RCBTB1: variants seen among roughly 807,000 people sequenced by gnomAD.
RCBTB1 encodes the protein RCC1 and BTB domain-containing protein 1.
A neutral mutation model predicts 62.4 loss-of-function variants in RCBTB1; 46 were observed. That is an observed-to-expected ratio of 0.74 (90% CI 0.58 to 0.94). The LOEUF is 0.94. RCBTB1 is among the 40% of genes least tolerant of loss of function. RCBTB1 has a pLI of 0.00. For missense variants in RCBTB1, 565 were observed against 654.9 expected (o/e 0.86, Z 1.50); for synonymous variants, 222 against 245.8 (o/e 0.90, Z 0.91).
At chr13:49,537,513 CT>C (rs1348993680) in intron 12 of RCBTB1, among the ~76,000 whole-genome samples, 2 of 152,206 alleles carry the variant, frequency 1.3e-5, no homozygotes, top group Non-Finnish European at 2.9e-5. Context: ...AATTAGATTC[CT>C]GGGCTCACGT....
intron 2 of RCBTB1, among the ~76,000 whole-genome samples, chr13:49,577,515 G>A (rs1424653521): frequency 1.1e-5 from 1 of 93,116 alleles, no homozygotes; most frequent in African/African-American, 4.6e-5. Context: ...GTATTTGTTT[G>A]GGCTAGTTTA....
At position 49,579,280 on chromosome 13, in the gene RCBTB1, T is replaced by C. The variant is rs531903711; in HGVS notation, c.-42+1225A>G. On this transcript the variant is annotated intron_variant, in intron 2 of 12. Coordinates refer to ENST00000378302, the MANE Select transcript of RCBTB1 (RefSeq NM_018191.4). ...ACTAATATGTTATTGCCCCAGCTGC[T>C]AGAACAGCTGTCATCCACGTCTCTC... 2.6e-5 allele frequency among the ~76,000 whole-genome samples: 4 copies of C among 152,314 alleles called. No individual in the cohort carries two copies. The South Asian group carries it at 8.3e-4, about 32-fold the overall frequency.
intron 4 of RCBTB1, among the ~76,000 whole-genome samples, chr13:49,561,577 A>G (rs1467674845): frequency 1.3e-5 from 2 of 152,178 alleles, no homozygotes; most frequent in Non-Finnish European, 1.5e-5. Context: ...AAATAGAGAA[A>G]TGCATACCTT....
chr13:49,554,965 G>A (rs1032469305), intron 6 of RCBTB1, among the ~76,000 whole-genome samples: 4 of 152,176 alleles, frequency 2.6e-5, no homozygotes, highest in African/African-American at 9.7e-5. Context: ...AGTGGAAGCT[G>A]CATCCAGAGA....
chr13:49,549,993 T>TC, intron 8 of RCBTB1: 1 of 819,584 alleles, frequency 1.2e-6, no homozygotes, highest in South Asian at 5.6e-5. Flanking sequence ...ACCATTTCTT[T>TC]TTTTTTTCTT....
intron 2 of RCBTB1, 127 bp from the exon 3 acceptor site, chr13:49,567,447 G>T: frequency 1.5e-6 from 1 of 664,230 alleles, no homozygotes; most frequent in Non-Finnish European, 2.5e-6. Context: ...TTGGTTACAT[G>T]GATCACTCAC....
At chr13:49,534,345 C>T in intron 12 of RCBTB1, 83 bp from the exon 13 acceptor site, 2 of 1,378,812 alleles carry the variant, frequency 1.5e-6, no homozygotes, top group Non-Finnish European at 9.9e-7. Context: ...CCCTTTACCC[C>T]AAATCTCTCA....
chr13:49,565,100 A>T (rs1962817811), intron 4 of RCBTB1, among the ~76,000 whole-genome samples: 1 of 152,088 alleles, frequency 6.6e-6, no homozygotes, highest in South Asian at 2.1e-4. Flanking sequence ...ATCTCGGCTC[A>T]CTGCAACCTC....
chr13:49,535,280 T>G (rs955792877), intron 12 of RCBTB1, among the ~76,000 whole-genome samples: 3 of 152,140 alleles, frequency 2.0e-5, no homozygotes, highest in Admixed American at 6.6e-5. Context: ...TCCCTGCCTA[T>G]GCTAATCCAC....
intron 2 of RCBTB1, among the ~76,000 whole-genome samples, chr13:49,577,024 C>T (rs889007237): frequency 2.0e-5 from 3 of 152,336 alleles, no homozygotes; most frequent in South Asian, 2.1e-4. Context: ...ACTTATCCTA[C>T]GTCCATTAGT....
chr13:49,577,731 T>G (rs1412538144), intron 2 of RCBTB1, among the ~76,000 whole-genome samples: 1 of 152,182 alleles, frequency 6.6e-6, no homozygotes, highest in African/African-American at 2.4e-5. Context: ...TGGAAGCCGA[T>G]AGCCAGAGGA....
At chr13:49,546,939 A>T (rs1313321316) in intron 9 of RCBTB1, 1 of 984,996 alleles carries the variant, frequency 1.0e-6, no homozygotes. Context: ...CAATGACCAT[A>T]TTTTTTCCAA....
intron 5 of RCBTB1, among the ~76,000 whole-genome samples, chr13:49,556,325 G>T (rs1961868578): frequency 6.6e-6 from 1 of 151,856 alleles, no homozygotes; most frequent in Admixed American, 6.6e-5. Flanking sequence ...CAAGTAGCTG[G>T]GACGACAGGC....
chr13:49,565,075 G>C (rs1362081337), intron 4 of RCBTB1, among the ~76,000 whole-genome samples: 1 of 152,154 alleles, frequency 6.6e-6, no homozygotes, highest in Non-Finnish European at 1.5e-5. Flanking sequence ...GCCGAAGCTG[G>C]ACTGTACTGC....
intron 2 of RCBTB1, among the ~76,000 whole-genome samples, chr13:49,578,477 T>A (rs1331820632): frequency 6.6e-6 from 1 of 152,158 alleles, no homozygotes; most frequent in African/African-American, 2.4e-5. Context: ...AGGGACATCA[T>A]AAAGAATACA....
intron 10 of RCBTB1, among the ~76,000 whole-genome samples, chr13:49,544,126 C>T (rs370777592): frequency 1.2e-4 from 18 of 152,156 alleles, no homozygotes; most frequent in Non-Finnish European, 2.4e-4. Flanking sequence ...TCTTTAACCA[C>T]GTAAATAAAT....
intron 9 of RCBTB1, among the ~76,000 whole-genome samples, chr13:49,545,361 T>G (rs916836071): frequency 5.1e-4 from 78 of 152,312 alleles, no homozygotes; most frequent in African/African-American, 1.7e-3. Flanking sequence ...GCAGAGAAAC[T>G]CTTTCCTAAG....
At chr13:49,546,410 C>T in intron 9 of RCBTB1, 2 of 954,746 alleles carry the variant, frequency 2.1e-6, no homozygotes, top group Non-Finnish European at 2.5e-6. Context: ...TTTTTGGTAC[C>T]AGGGACCAGT....
intron 5 of RCBTB1, among the ~76,000 whole-genome samples, chr13:49,557,820 T>C (rs972861101): frequency 3.9e-5 from 6 of 152,202 alleles, no homozygotes; most frequent in African/African-American, 1.4e-4. Context: ...ATCTTGATTA[T>C]ACAATACACG....
Sources: allele counts gnomAD v4.1 joint callset (sites outside exome capture counted in the v4.1 genomes callset), GRCh38; gene constraint gnomAD v4.1.1; transcripts MANE v1.5; gene names NCBI Gene and HGNC (gene_info 2026-07-23, HGNC 2026-07-21).